Variants in GPC6 observed in about 807,000 individuals in gnomAD.
GPC6 encodes glypican 6.
GPC6 carries 14 observed loss-of-function variants against 55.2 expected under a neutral mutation model. That is an observed-to-expected ratio of 0.25 (90% CI 0.17 to 0.40). The LOEUF (loss-of-function observed/expected upper bound fraction) is 0.40, where lower values mean the gene tolerates loss of function less well. Among genes scored for constraint, GPC6 ranks in the 10% least tolerant of loss-of-function variants. GPC6 has a pLI of 1.00. For synonymous variants in GPC6, 278 were observed against 259.6 expected, an observed-to-expected ratio of 1.07 and a Z score of -0.68; for missense variants, 641 against 708.5, an observed-to-expected ratio of 0.90 and a Z score of 1.08.
chr13:94,209,854 T>C (rs559308923), intron 4 of GPC6, among the ~76,000 whole-genome samples: 1 of 152,192 alleles, frequency 6.6e-6, no homozygotes, highest in East Asian at 1.9e-4. Context: ...AATTAATTTA[T>C]TTATTTACTG....
chr13:93,712,126 C>T (rs1883088870), intron 2 of GPC6, among the ~76,000 whole-genome samples: 1 of 151,732 alleles, frequency 6.6e-6, no homozygotes, highest in Non-Finnish European at 1.5e-5. Flanking sequence ...CCATGTCTCA[C>T]AATATTTAAG....
At chr13:93,881,394 C>G (rs1335261862) in intron 3 of GPC6, among the ~76,000 whole-genome samples, 1 of 152,086 alleles carries the variant, frequency 6.6e-6, no homozygotes, top group Non-Finnish European at 1.5e-5. Flanking sequence ...CATATGCTAT[C>G]TAGGCACATT....
At chr13:93,401,395 T>C (rs148399924) in intron 1 of GPC6, among the ~76,000 whole-genome samples, 1 of 152,218 alleles carries the variant, frequency 6.6e-6, no homozygotes, top group Admixed American at 6.5e-5. Flanking sequence ...TCTGAATTTA[T>C]ATGTTATCCA....
Position 94,321,867 on chromosome 13 carries a change from C to G in GPC6, c.1152+15744C>G, listed in dbSNP as rs540055896. Among the ~76,000 whole-genome samples, 19 of 152,324 alleles carry G rather than the reference C, an allele frequency of 1.2e-4. 1 individual carries two copies. Among genetic ancestry groups the G allele is most frequent in the African/African-American group, 3.4e-4 (14 of 41,570 alleles). ...TTGGTGCTGCAAACTTCTCCAGAACCCTTACTGTTGGGCTTCTTTCATGAA... is the reference window on the plus strand; with the variant it reads ...TTGGTGCTGCAAACTTCTCCAGAACGCTTACTGTTGGGCTTCTTTCATGAA... On this transcript the variant is annotated intron_variant, in intron 6 of 8. Coordinates refer to ENST00000377047, the MANE Select transcript of GPC6 (RefSeq NM_005708.5).
intron 5 of GPC6, among the ~76,000 whole-genome samples, chr13:94,299,021 TAA>T (rs1039615159): frequency 8.5e-5 from 13 of 152,326 alleles, no homozygotes; most frequent in African/African-American, 3.1e-4. Context: ...CGATTATGAC[TAA>T]AAATTTTATT....
intron 3 of GPC6, among the ~76,000 whole-genome samples, chr13:93,908,273 A>C (rs931009888): frequency 6.6e-6 from 1 of 152,186 alleles, no homozygotes; most frequent in African/African-American, 2.4e-5. Context: ...AGACTTCATA[A>C]ATATTTTAAG....
At chr13:93,574,385 A>G (rs1446132253) in intron 2 of GPC6, among the ~76,000 whole-genome samples, 1 of 152,144 alleles carries the variant, frequency 6.6e-6, no homozygotes, top group Non-Finnish European at 1.5e-5. Context: ...GCCAAGATTG[A>G]GAAGGATTGC....
chr13:93,700,783 G>T (rs1882640146), intron 2 of GPC6, among the ~76,000 whole-genome samples: 1 of 152,038 alleles, frequency 6.6e-6, no homozygotes, highest in African/African-American at 2.4e-5. Context: ...CTCAAAGCAA[G>T]GATATCATCA....
intron 3 of GPC6, among the ~76,000 whole-genome samples, chr13:94,006,187 A>G (rs530032629): frequency 6.6e-6 from 1 of 152,314 alleles, no homozygotes; most frequent in Admixed American, 6.5e-5. Flanking sequence ...ACAAAAATGT[A>G]TGTTTATTTG....
At chr13:93,896,197 T>G (rs1293682781) in intron 3 of GPC6, among the ~76,000 whole-genome samples, 2 of 151,986 alleles carry the variant, frequency 1.3e-5, no homozygotes, top group Non-Finnish European at 2.9e-5. Context: ...AAAAATTAAC[T>G]ATGATATGCT....
chr13:93,445,230 C>T (rs781482642), intron 1 of GPC6, among the ~76,000 whole-genome samples: 6 of 152,070 alleles, frequency 3.9e-5, no homozygotes, highest in Non-Finnish European at 7.4e-5. Context: ...GTTTCGTAAC[C>T]AGCCTATGTT....
chr13:93,401,526 T>TAAA (rs55690289), intron 1 of GPC6, among the ~76,000 whole-genome samples: 1 of 145,772 alleles, frequency 6.9e-6, no homozygotes, highest in Non-Finnish European at 1.5e-5. Flanking sequence ...TAGGTTGCAC[T>TAAA]AAAAAAAAAA....
chr13:93,393,127 T>TATATATATATATATATAGAGAGAG (rs1230857277), intron 1 of GPC6, among the ~76,000 whole-genome samples: 2 of 87,624 alleles, frequency 2.3e-5, no homozygotes, highest in South Asian at 3.9e-4. Flanking sequence ...TATATATATA[T>TATATATATATATATATAGAGAGAG]AGAGAGAGAG....
intron 2 of GPC6, among the ~76,000 whole-genome samples, chr13:93,656,561 G>A (rs143768106): frequency 8.8e-4 from 134 of 152,058 alleles, no homozygotes; most frequent in Admixed American, 1.5e-3. Context: ...TTAGAGGCAC[G>A]GTAGCCTGAC....
intron 3 of GPC6, among the ~76,000 whole-genome samples, chr13:93,834,836 G>T (rs1035478185): frequency 6.6e-6 from 1 of 152,096 alleles, no homozygotes; most frequent in Non-Finnish European, 1.5e-5. Flanking sequence ...GGAAGGAAGA[G>T]CTCTAAAATG....
upstream of GPC6, among the ~76,000 whole-genome samples, chr13:93,221,993 A>G (rs1318163370): frequency 1.4e-5 from 2 of 145,292 alleles, no homozygotes; most frequent in African/African-American, 5.1e-5. Context: ...AGGATGATAA[A>G]TTCTGCTGTA....
chr13:93,221,836 G>A (rs1875636859), upstream of GPC6, among the ~76,000 whole-genome samples: 1 of 152,152 alleles, frequency 6.6e-6, no homozygotes, highest in Non-Finnish European at 1.5e-5. Flanking sequence ...GTGCCAAGCT[G>A]AGATGTGGAA....
chr13:93,611,450 T>C (rs1382516257), intron 2 of GPC6, among the ~76,000 whole-genome samples: 1 of 152,164 alleles, frequency 6.6e-6, no homozygotes, highest in Non-Finnish European at 1.5e-5. Flanking sequence ...CATATTGTAG[T>C]ACAGATGTAT....
At chr13:94,370,444 G>C (rs761426555) in intron 6 of GPC6, among the ~76,000 whole-genome samples, 4 of 152,170 alleles carry the variant, frequency 2.6e-5, no homozygotes, top group Non-Finnish European at 5.9e-5. Flanking sequence ...GATAGAGACT[G>C]TGTACAAGTC....
Sources: gnomAD v4.1 joint callset for allele counts (sites outside exome capture counted in the v4.1 genomes callset) on GRCh38, gnomAD v4.1.1 for gene constraint, MANE v1.5 for transcripts, NCBI Gene and HGNC (gene_info 2026-07-23, HGNC 2026-07-21) for gene names.